KATNIP: variants seen among roughly 807,000 people sequenced by gnomAD.
KATNIP encodes katanin interacting protein, also known as katanin-interacting protein.
KATNIP carries 126 observed loss-of-function variants against 174.0 expected under a neutral mutation model. The ratio of observed to expected loss-of-function variants is 0.72; its 90% CI spans 0.63 to 0.84. The LOEUF (loss-of-function observed/expected upper bound fraction) is 0.84, where lower values mean the gene tolerates loss of function less well. Among genes scored for constraint, KATNIP ranks in the 40% least tolerant of loss-of-function variants. The pLI, the probability that KATNIP is intolerant of heterozygous loss-of-function variation, is 0.00. For synonymous variants in KATNIP, 810 were observed against 835.7 expected, an observed-to-expected ratio of 0.97 and a Z score of 0.53; for missense variants, 1,958 against 2,109.7, an observed-to-expected ratio of 0.93 and a Z score of 1.41.
chr16:27,738,931 G>A (rs1039210897), intron 14 of KATNIP, among the ~76,000 whole-genome samples: 12 of 152,104 alleles, frequency 7.9e-5, no homozygotes, highest in African/African-American at 2.9e-4. Context: ...AACAAGCAGT[G>A]GATAAATGTC....
intron 7 of KATNIP, 101 bp downstream of exon 7, chr16:27,678,097 A>G: frequency 1.5e-6 from 2 of 1,324,624 alleles, no homozygotes; most frequent in Non-Finnish European, 2.1e-6. Flanking sequence ...CTTTGGGTAG[A>G]GTGTCTCACA....
chr16:27,704,703 G>C (rs1597225872), intron 12 of KATNIP, among the ~76,000 whole-genome samples: 1 of 152,090 alleles, frequency 6.6e-6, no homozygotes. Context: ...ATTACGAGAC[G>C]ATGCAGACAG....
intron 19 of KATNIP, among the ~76,000 whole-genome samples, chr16:27,763,807 T>C (rs2082034201): frequency 6.6e-6 from 1 of 152,166 alleles, no homozygotes; most frequent in Non-Finnish European, 1.5e-5. Flanking sequence ...AGGTTCTCTT[T>C]CCCCTTTTTC....
intron 15 of KATNIP, among the ~76,000 whole-genome samples, chr16:27,747,105 G>T (rs2081321973): frequency 6.6e-6 from 1 of 152,236 alleles, no homozygotes; most frequent in African/African-American, 2.4e-5. Flanking sequence ...GGATGGCAGT[G>T]TCAGGAGAGG....
At chr16:27,600,341 G>A (rs1399018007) in intron 2 of KATNIP, among the ~76,000 whole-genome samples, 4 of 152,170 alleles carry the variant, frequency 2.6e-5, no homozygotes, top group African/African-American at 9.7e-5. Context: ...TGCAGTATGT[G>A]AGAGTTAATC....
intron 15 of KATNIP, among the ~76,000 whole-genome samples, chr16:27,746,223 C>T (rs928370149): frequency 6.6e-6 from 1 of 152,222 alleles, no homozygotes; most frequent in Non-Finnish European, 1.5e-5. Flanking sequence ...CTGCCTGCCT[C>T]GCACACTCAG....
intron 2 of KATNIP, among the ~76,000 whole-genome samples, chr16:27,611,203 A>G (rs559175717): frequency 1.3e-5 from 2 of 152,210 alleles, no homozygotes; most frequent in South Asian, 2.1e-4. Flanking sequence ...GCAAGTTGGT[A>G]TCTGAATATA....
rs764548122 is a variant in KATNIP at position 27,550,153 on chromosome 16, G to A, written c.-18G>A. 5.4e-5 allele frequency: 87 copies of A among 1,612,440 alleles called. No individual in the cohort carries two copies. Among genetic ancestry groups the A allele is most frequent in the Middle Eastern group, 1.6e-4 (1 of 6,072 alleles). On this transcript the variant is annotated 5_prime_UTR_variant, in exon 1 of 28. Coordinates refer to ENST00000261588, the MANE Select transcript of KATNIP (RefSeq NM_015202.5). Reference sequence around the variant, plus strand: ...AGGCCGCTTCCGGTTCGAGCTCCCGGAACCGCCGCCTCTAGGGATGGACGG... The same window carrying A: ...AGGCCGCTTCCGGTTCGAGCTCCCGAAACCGCCGCCTCTAGGGATGGACGG...
chr16:27,724,619 C>T (rs181548635), intron 14 of KATNIP, among the ~76,000 whole-genome samples: 22 of 152,212 alleles, frequency 1.4e-4, no homozygotes, highest in Middle Eastern at 3.4e-3. Context: ...TGGAGGACTG[C>T]GGTTCCTGCC....
chr16:27,649,220 C>G (rs756001211), intron 6 of KATNIP, among the ~76,000 whole-genome samples: 1 of 152,254 alleles, frequency 6.6e-6, no homozygotes, highest in Non-Finnish European at 1.5e-5. Flanking sequence ...CGCAGGGCGG[C>G]AGGAGCCACA....
At chr16:27,735,391 T>G (rs144378766) in intron 14 of KATNIP, among the ~76,000 whole-genome samples, 1 of 152,334 alleles carries the variant, frequency 6.6e-6, no homozygotes, top group Non-Finnish European at 1.5e-5. Context: ...TGTGCTGGAC[T>G]AGATGGTTTC....
chr16:27,648,457 A>G, intron 5 of KATNIP, 147 bp from the exon 6 acceptor site: 1 of 901,610 alleles, frequency 1.1e-6, no homozygotes, highest in Non-Finnish European at 1.7e-6. Flanking sequence ...GCTCATCATG[A>G]CACCACTGCT....
intron 21 of KATNIP, 98 bp downstream of exon 21, chr16:27,770,116 CGAT>C: frequency 7.4e-7 from 1 of 1,359,850 alleles, no homozygotes. Flanking sequence ...GGTTTTGAAA[CGAT>C]GATCAAACGC....
At chr16:27,702,927 G>A (rs1055311549) in intron 11 of KATNIP, among the ~76,000 whole-genome samples, 16 of 152,288 alleles carry the variant, frequency 1.1e-4, no homozygotes, top group African/African-American at 3.8e-4. Context: ...AGCACTTACG[G>A]AGGCCCAGGT....
chr16:27,607,284 A>G (rs1309689863), intron 2 of KATNIP, among the ~76,000 whole-genome samples: 1 of 152,194 alleles, frequency 6.6e-6, no homozygotes, highest in Non-Finnish European at 1.5e-5. Flanking sequence ...GTTGTCTGCT[A>G]TCTCCACTTA....
intron 2 of KATNIP, among the ~76,000 whole-genome samples, chr16:27,610,216 G>A (rs2075849696): frequency 6.6e-6 from 1 of 152,186 alleles, no homozygotes; most frequent in East Asian, 1.9e-4. Flanking sequence ...GAGGACAGAA[G>A]GCAGGGAGGA....
rs2076662608 is a variant in KATNIP at position 27,637,196 on chromosome 16, C to T, written c.408+6034C>T. Reference sequence around the variant, plus strand: ...TGTTGTTGTTTTAATCACAGAGGGGCAGATGGGGAGGGCAGCTCAGCCTGG... The same window carrying T: ...TGTTGTTGTTTTAATCACAGAGGGGTAGATGGGGAGGGCAGCTCAGCCTGG... On this transcript the variant is annotated intron_variant, in intron 5 of 27. Coordinates refer to ENST00000261588, the MANE Select transcript of KATNIP (RefSeq NM_015202.5). The surrounding 1 kb of genome is among the most constrained non-coding windows in gnomAD (Gnocchi z 4.7). Among the ~76,000 whole-genome samples the T allele has an allele frequency of 6.6e-6, 1 of 152,216 alleles. No homozygotes were observed. The highest frequency in any genetic ancestry group is 2.1e-4 in the South Asian group (1 of 4,832).
At chr16:27,557,286 C>G (rs951439869) in intron 1 of KATNIP, among the ~76,000 whole-genome samples, 2 of 152,010 alleles carry the variant, frequency 1.3e-5, no homozygotes, top group African/African-American at 4.8e-5. Context: ...GGATTACAGG[C>G]ACATGCCACC....
chr16:27,630,976 G>A (rs577010610), intron 4 of KATNIP, 89 bp from the exon 5 acceptor site: 75 of 972,684 alleles, frequency 7.7e-5, no homozygotes, highest in African/African-American at 3.4e-4. Context: ...ACACTGATAC[G>A]CATTTTAGAC....
Sources: allele counts gnomAD v4.1 joint callset (sites outside exome capture counted in the v4.1 genomes callset), GRCh38; gene constraint gnomAD v4.1.1; non-coding constraint Gnocchi (gnomAD v3.1); transcripts MANE v1.5; gene names NCBI Gene and HGNC (gene_info 2026-07-23, HGNC 2026-07-21).